SENP5: variants seen among roughly 807,000 people sequenced by gnomAD.
SENP5 encodes the protein SUMO specific peptidase 5, also known as sentrin-specific protease 5.
SENP5 carries 21 observed loss-of-function variants against 74.2 expected under a neutral mutation model. The ratio of observed to expected loss-of-function variants is 0.28; its 90% CI spans 0.20 to 0.41. SENP5 has a LOEUF of 0.41. Among genes scored for constraint, SENP5 ranks in the 10% least tolerant of loss-of-function variants. The pLI is 1.00. For synonymous variants in SENP5, 311 were observed against 312.7 expected, an observed-to-expected ratio of 0.99 and a Z score of 0.06; for missense variants, 717 against 889.1, an observed-to-expected ratio of 0.81 and a Z score of 2.46.
chr3:196,877,189 A>T (rs1713515223), intron 1 of SENP5, among the ~76,000 whole-genome samples: 1 of 151,790 alleles, frequency 6.6e-6, no homozygotes, highest in Non-Finnish European at 1.5e-5. Flanking sequence ...TTTTAATTTT[A>T]AATATTTATT....
chr3:196,894,244 C>T (rs1560147642), intron 2 of SENP5, among the ~76,000 whole-genome samples: 1 of 151,088 alleles, frequency 6.6e-6, no homozygotes, highest in Non-Finnish European at 1.5e-5. Flanking sequence ...CTGCCTCAGC[C>T]TCCCGATTAG....
chr3:196,906,340 A>G (rs1714903753), intron 6 of SENP5, among the ~76,000 whole-genome samples: 1 of 152,238 alleles, frequency 6.6e-6, no homozygotes, highest in Non-Finnish European at 1.5e-5. Context: ...ATAGTAAATC[A>G]AGAAATAAAG....
chr3:196,907,204 T>C (rs933608700), intron 6 of SENP5, among the ~76,000 whole-genome samples: 2 of 151,674 alleles, frequency 1.3e-5, no homozygotes, highest in African/African-American at 4.8e-5. Context: ...CCGGGCACAG[T>C]GGCTCACATC....
intron 5 of SENP5, among the ~76,000 whole-genome samples, chr3:196,903,249 C>T (rs1362824358): frequency 6.6e-6 from 1 of 152,134 alleles, no homozygotes; most frequent in Non-Finnish European, 1.5e-5. Context: ...AAGAGATTCT[C>T]CTACCTCAGC....
intron 2 of SENP5, among the ~76,000 whole-genome samples, chr3:196,893,635 C>T (rs13061097): frequency 0.19 from 28,730 of 151,914 alleles, 3,473 homozygotes; most frequent in Non-Finnish European, 0.24. Flanking sequence ...TTAGGCCGGG[C>T]GCGGTGGCTC....
intron 2 of SENP5, among the ~76,000 whole-genome samples, chr3:196,894,531 GTTC>G (rs772072980): frequency 0.012 from 1,653 of 141,980 alleles, 20 homozygotes; most frequent in African/African-American, 0.034. Context: ...TTAGTTGCGA[GTTC>G]TTTTTTTTTT....
At chr3:196,888,973 G>A (rs1467715943) in intron 2 of SENP5, among the ~76,000 whole-genome samples, 1 of 151,906 alleles carries the variant, frequency 6.6e-6, no homozygotes, top group Non-Finnish European at 1.5e-5. Context: ...AAAATTAGCC[G>A]GGCGTGGTGG....
chr3:196,889,973 T>C (rs1169695808), intron 2 of SENP5, among the ~76,000 whole-genome samples: 2 of 152,206 alleles, frequency 1.3e-5, no homozygotes, highest in Admixed American at 1.3e-4. Flanking sequence ...GCCAAAATTC[T>C]AAGGACAAGA....
At chr3:196,868,264 C>T (rs962134726) in intron 1 of SENP5, among the ~76,000 whole-genome samples, 191 bp downstream of exon 1, 1 of 152,234 alleles carries the variant, frequency 6.6e-6, no homozygotes, top group Non-Finnish European at 1.5e-5. Flanking sequence ...CGAGCGAGCT[C>T]GTCCCGAGGG....
At chr3:196,914,048 C>G (rs149704142) in intron 6 of SENP5, 4 of 152,246 alleles carry the variant, frequency 2.6e-5, no homozygotes, top group South Asian at 2.1e-4. Flanking sequence ...GTAAGTTAAT[C>G]TTGATTGGAT....
chr3:196,917,928 C>T (rs750946263), intron 6 of SENP5, among the ~76,000 whole-genome samples: 13 of 152,004 alleles, frequency 8.6e-5, no homozygotes, highest in East Asian at 3.9e-4. Flanking sequence ...CACTAATTGC[C>T]GTGTGTAAGC....
chr3:196,879,340 C>T (rs1325234202), intron 1 of SENP5, among the ~76,000 whole-genome samples: 1 of 152,116 alleles, frequency 6.6e-6, no homozygotes, highest in African/African-American at 2.4e-5. Flanking sequence ...CACTGTTTTC[C>T]CTTTCTTGTA....
intron 2 of SENP5, among the ~76,000 whole-genome samples, chr3:196,897,901 G>T (rs908146393): frequency 3.9e-5 from 6 of 152,064 alleles, no homozygotes; most frequent in African/African-American, 1.4e-4. Context: ...GCCAGGCGCG[G>T]TGGCTCACAC....
chr3:196,872,864 GAGA>G (rs1317713002), intron 1 of SENP5, among the ~76,000 whole-genome samples: 2 of 152,134 alleles, frequency 1.3e-5, no homozygotes, highest in African/African-American at 4.8e-5. Flanking sequence ...TTCTAGTCTA[GAGA>G]AGAAGACTCC....
intron 6 of SENP5, among the ~76,000 whole-genome samples, chr3:196,908,415 C>G (rs1415340671): frequency 1.3e-5 from 2 of 152,128 alleles, no homozygotes; most frequent in African/African-American, 4.8e-5. Context: ...GACAATGTAC[C>G]AGAATCTCTG....
At chr3:196,870,116 T>C (rs1713147303) in intron 1 of SENP5, among the ~76,000 whole-genome samples, 1 of 152,212 alleles carries the variant, frequency 6.6e-6, no homozygotes, top group African/African-American at 2.4e-5. Context: ...ATTTGCGATA[T>C]TAAGCATGTC....
chr3:196,906,168 C>T (rs1232007697), intron 6 of SENP5, among the ~76,000 whole-genome samples: 1 of 151,672 alleles, frequency 6.6e-6, no homozygotes, highest in East Asian at 1.9e-4. Flanking sequence ...TGCTGTGAGC[C>T]GAGATTGCAC....
chr3:196,879,417 T>A (rs1290675826), intron 1 of SENP5, among the ~76,000 whole-genome samples: 5 of 152,246 alleles, frequency 3.3e-5, no homozygotes, highest in African/African-American at 4.8e-5. Context: ...TACCTACTAC[T>A]AACTGCAAAC....
At chr3:196,879,206 A>T (rs1395985770) in intron 1 of SENP5, among the ~76,000 whole-genome samples, 1 of 152,204 alleles carries the variant, frequency 6.6e-6, no homozygotes, top group Admixed American at 6.5e-5. Context: ...ACATTTCCAA[A>T]TGTTAGGTTG....
Sources: allele counts gnomAD v4.1 joint callset (sites outside exome capture counted in the v4.1 genomes callset), GRCh38; gene constraint gnomAD v4.1.1; transcripts MANE v1.5; gene names NCBI Gene and HGNC (gene_info 2026-07-23, HGNC 2026-07-21).